The following USH2A variants were observed in gnomAD, a reference collection of about 807,000 sequenced individuals.
The protein encoded by USH2A is usherin, also known as Usher syndrome 2A (autosomal recessive, mild).
USH2A carries 443 observed loss-of-function variants against 538.9 expected under a neutral mutation model. That is an observed-to-expected ratio of 0.82 (90% CI 0.76 to 0.89). The LOEUF is 0.89. USH2A is among the 40% of genes least tolerant of loss of function. The pLI is 0.00. For missense variants in USH2A, 6,633 were observed against 6,324.8 expected, an observed-to-expected ratio of 1.05 and a Z score of -1.65; for synonymous variants, 2,413 against 2,273.5, an observed-to-expected ratio of 1.06 and a Z score of -1.75.
intron 15 of USH2A, among the ~76,000 whole-genome samples, chr1:216,212,775 C>A (rs1189283968): frequency 2.0e-5 from 3 of 151,566 alleles, no homozygotes. Context: ...ATAAATATCA[C>A]CTTTATTTCC....
chr1:215,651,859 T>G (rs1215892357), intron 64 of USH2A, among the ~76,000 whole-genome samples: 1 of 152,230 alleles, frequency 6.6e-6, no homozygotes, highest in Non-Finnish European at 1.5e-5. Context: ...ATCAGTGGTT[T>G]TCATACTTTT....
In USH2A at chr1:216,120,219, C is replaced by CAAAAAA. The variant is rs10525093; in HGVS notation, c.4628-23012_4628-23007dup. Among the ~76,000 whole-genome samples the CAAAAAA allele has an allele frequency of 4.3e-4, 43 of 100,016 alleles. 2 individuals are homozygous for CAAAAAA. The highest frequency in any genetic ancestry group is 9.3e-4 in the East Asian group (2 of 2,156). The allele number at this position is 100,016 out of a possible 152,430, so 65.6% of individuals were successfully genotyped here. On this transcript the variant is annotated intron_variant, in intron 21 of 71. Coordinates refer to ENST00000307340, the MANE Select transcript of USH2A (RefSeq NM_206933.4). ...TATTAAAACAGGTCATACTAAATAG[C>CAAAAAA]AAAAAAAAAAAAAAAAAAAAAAAAA...
intron 37 of USH2A, among the ~76,000 whole-genome samples, chr1:215,953,986 G>A (rs1031074286): frequency 5.3e-5 from 8 of 152,202 alleles, no homozygotes; most frequent in African/African-American, 1.9e-4. Flanking sequence ...CTGGCCATGA[G>A]AGAAATGCAA....
intron 37 of USH2A, among the ~76,000 whole-genome samples, chr1:215,954,735 G>A (rs1365264679): frequency 6.6e-6 from 1 of 151,766 alleles, no homozygotes; most frequent in African/African-American, 2.4e-5. Flanking sequence ...AAAAACAATT[G>A]AAAATTTGAA....
intron 14 of USH2A, 122 bp downstream of exon 14, chr1:216,231,831 G>C (rs552122663): frequency 1.7e-6 from 2 of 1,178,908 alleles, no homozygotes; most frequent in Non-Finnish European, 2.5e-6. Flanking sequence ...GGGATTACAG[G>C]TGTGAGCCAC....
intron 3 of USH2A, among the ~76,000 whole-genome samples, chr1:216,416,972 G>C (rs1380758038): frequency 6.6e-6 from 1 of 152,086 alleles, no homozygotes; most frequent in Non-Finnish European, 1.5e-5. Flanking sequence ...GGGCAGAATG[G>C]AGACTTCAAG....
At chr1:216,039,043 G>T (rs931963539) in intron 32 of USH2A, among the ~76,000 whole-genome samples, 79 of 152,046 alleles carry the variant, frequency 5.2e-4, no homozygotes, top group African/African-American at 1.8e-3. Context: ...TCACATACGG[G>T]TGCATTATAG....
chr1:215,759,664 T>C lies in USH2A; in HGVS notation c.11227A>G (p.Ser3743Gly). 6.2e-7 allele frequency: 1 copy of C among 1,614,002 alleles called. No homozygotes were observed. Among genetic ancestry groups the C allele is most frequent in the Non-Finnish European group, 8.5e-7 (1 of 1,179,866 alleles). ...TAAAGTTTTCTTTTAGTTTACCTGCTATTGGGCTCCAGGTTTTTATCAGTG... is the reference window on the plus strand; with the variant it reads ...TAAAGTTTTCTTTTAGTTTACCTGCCATTGGGCTCCAGGTTTTTATCAGTG... ...NFTDKNLEPN[S>G]RYTYKLEVKT... The change falls in exon 57 of 72, where the codon AGC becomes GGC. Residue 3743 changes from serine to glycine, a missense_variant. Ser to Gly is a moderately conservative substitution (Grantham distance 56). Transcript: ENST00000307340.
At chr1:215,670,154 C>T (rs898350867) in intron 64 of USH2A, among the ~76,000 whole-genome samples, 8 of 152,180 alleles carry the variant, frequency 5.3e-5, no homozygotes, top group African/African-American at 9.7e-5. Flanking sequence ...GATATTTTAT[C>T]ACGACTTCTC....
intron 3 of USH2A, among the ~76,000 whole-genome samples, chr1:216,371,802 A>G (rs1174944703): frequency 6.6e-6 from 1 of 152,164 alleles, no homozygotes; most frequent in Non-Finnish European, 1.5e-5. Context: ...ACTAATTGAT[A>G]CCCCGAAAAT....
chr1:216,249,230 A>G (rs917715089), intron 12 of USH2A, among the ~76,000 whole-genome samples: 2 of 152,130 alleles, frequency 1.3e-5, no homozygotes, highest in African/African-American at 4.8e-5. Context: ...ATACTGAAGT[A>G]ATTTAGTCTT....
rs371230753 is a variant in USH2A at position 216,189,445 on chromosome 1, C to A, written c.4396+778G>T. Among the ~76,000 whole-genome samples the A allele has an allele frequency of 9.9e-5, 15 of 151,874 alleles. 1 individual carries two copies. The highest frequency in any genetic ancestry group is 3.9e-4 in the Admixed American group (6 of 15,228). On this transcript the variant is annotated intron_variant, in intron 20 of 71. Transcript: ENST00000307340. ...CTTTAAAGATAACCAGGAAACTAAG[C>A]TTTTATCTAGAATCAGAAAAACACT...
chr1:215,994,288 C>G (rs1230938843), intron 34 of USH2A, among the ~76,000 whole-genome samples: 2 of 152,076 alleles, frequency 1.3e-5, no homozygotes, highest in Non-Finnish European at 2.9e-5. Flanking sequence ...AGGCGTCTCT[C>G]TGATTTTTCA....
chr1:215,955,572 TC>T (rs1667044291), intron 37 of USH2A, among the ~76,000 whole-genome samples: 1 of 152,184 alleles, frequency 6.6e-6, no homozygotes, highest in African/African-American at 2.4e-5. Flanking sequence ...GGTGTAAAAC[TC>T]CCTTTGCTTC....
chr1:216,253,134 A>G (rs2036195410), intron 11 of USH2A, among the ~76,000 whole-genome samples: 1 of 151,422 alleles, frequency 6.6e-6, no homozygotes, highest in African/African-American at 2.4e-5. Flanking sequence ...TATCTTTTAT[A>G]TGTTTTGTTA....
intron 21 of USH2A, among the ~76,000 whole-genome samples, chr1:216,144,384 T>C (rs1283449076): frequency 6.6e-6 from 1 of 151,960 alleles, no homozygotes; most frequent in Non-Finnish European, 1.5e-5. Flanking sequence ...CCTTTTAGTA[T>C]GGCTTTTCAT....
intron 30 of USH2A, among the ~76,000 whole-genome samples, chr1:216,058,693 A>G (rs1273192628): frequency 1.3e-5 from 2 of 152,208 alleles, no homozygotes; most frequent in East Asian, 1.9e-4. Context: ...GCATTCTTCT[A>G]TAAAATTAAA....
intron 31 of USH2A, among the ~76,000 whole-genome samples, chr1:216,047,951 G>A (rs1290924712): frequency 1.3e-5 from 2 of 152,162 alleles, no homozygotes; most frequent in Admixed American, 6.5e-5. Flanking sequence ...CTTAACATAT[G>A]CTTTCTGAAA....
intron 64 of USH2A, among the ~76,000 whole-genome samples, chr1:215,661,721 G>A (rs959417564): frequency 2.6e-4 from 40 of 152,080 alleles, no homozygotes; most frequent in African/African-American, 9.4e-4. Flanking sequence ...ACAGAGAAAT[G>A]GTGCCCCTTC....
Sources: gnomAD v4.1 joint callset for allele counts (sites outside exome capture counted in the v4.1 genomes callset) on GRCh38, gnomAD v4.1.1 for gene constraint, MANE v1.5 for transcripts, NCBI Gene and HGNC (gene_info 2026-07-23, HGNC 2026-07-21) for gene names.